Variants in BLTP1 observed in about 807,000 individuals in gnomAD.
BLTP1 encodes the protein fragile site-associated protein.
At chr4:122,321,964 A>G in the BLTP1 span, among the ~76,000 whole-genome samples, 8 of 68,060 alleles carry the variant, frequency 1.2e-4, no homozygotes, top group South Asian at 2.8e-3. Context: ...TTTGATAATG[A>G]TATAACTACA....
chr4:122,283,490 T>C, the BLTP1 span, among the ~76,000 whole-genome samples: 2 of 152,198 alleles, frequency 1.3e-5, no homozygotes, highest in South Asian at 2.1e-4. Context: ...CTGTTTTTGA[T>C]CCTTTGCTCT....
the BLTP1 span, chr4:122,343,747 A>G: frequency 2.2e-6 from 2 of 920,344 alleles, no homozygotes; most frequent in East Asian, 5.3e-5. Flanking sequence ...TACCTATCTC[A>G]TATTTACGTA....
At chr4:122,256,493 G>C in the BLTP1 span, among the ~76,000 whole-genome samples, 1 of 152,182 alleles carries the variant, frequency 6.6e-6, no homozygotes, top group Admixed American at 6.5e-5. Context: ...TGGACTTGGT[G>C]TTCCTCAGAA....
At chr4:122,153,280 G>A in the BLTP1 span, among the ~76,000 whole-genome samples, 1 of 150,588 alleles carries the variant, frequency 6.6e-6, no homozygotes, top group South Asian at 2.1e-4. Context: ...CTAAGCGCCT[G>A]TAAGTTTCAA....
chr4:122,291,935 A>T, the BLTP1 span: 1 of 326,070 alleles, frequency 3.1e-6, no homozygotes, highest in Non-Finnish European at 4.4e-6. Flanking sequence ...CAAAACAAAT[A>T]GGCCTTTAAG....
the BLTP1 span, among the ~76,000 whole-genome samples, chr4:122,176,420 A>G: frequency 6.6e-6 from 1 of 152,232 alleles, no homozygotes; most frequent in Non-Finnish European, 1.5e-5. Flanking sequence ...GTAAGGCATC[A>G]CATTTTACCA....
the BLTP1 span, chr4:122,279,878 A>G: frequency 6.2e-7 from 1 of 1,614,028 alleles, no homozygotes; most frequent in Non-Finnish European, 8.5e-7. Flanking sequence ...AGCTATCAGT[A>G]TCAACATTCC....
chr4:122,162,733 AAC>A, the BLTP1 span: 886 of 806,522 alleles, frequency 1.1e-3, 2 homozygotes, highest in African/African-American at 0.016. Flanking sequence ...TAACAACAAC[AAC>A]AAAAAAAAAA....
At chr4:122,326,693 G>A in the BLTP1 span, among the ~76,000 whole-genome samples, 6 of 151,544 alleles carry the variant, frequency 4.0e-5, no homozygotes, top group Admixed American at 2.0e-4. Flanking sequence ...GCCATGTACT[G>A]CTTGTAAAAA....
At chr4:122,275,415 A>G in the BLTP1 span, among the ~76,000 whole-genome samples, 1 of 152,068 alleles carries the variant, frequency 6.6e-6, no homozygotes, top group Non-Finnish European at 1.5e-5. Context: ...TCGACCTTAT[A>G]ATGCTTCTAC....
At chr4:122,267,184 G>A in the BLTP1 span, among the ~76,000 whole-genome samples, 1 of 148,748 alleles carries the variant, frequency 6.7e-6, no homozygotes, top group African/African-American at 2.5e-5. Flanking sequence ...TCAGCCTGCC[G>A]AGTAGCCGGG....
chr4:122,312,991 A>C, the BLTP1 span: 85 of 493,912 alleles, frequency 1.7e-4, no homozygotes, highest in African/African-American at 1.7e-3. Context: ...TACTATGTAA[A>C]ATTGTTGAAT....
the BLTP1 span, chr4:122,340,913 A>G: frequency 5.0e-6 from 4 of 806,886 alleles, no homozygotes; most frequent in African/African-American, 7.5e-5. Context: ...ATAACACTAC[A>G]ACATTTCTGT....
chr4:122,182,536 G>A, the BLTP1 span: 13 of 512,718 alleles, frequency 2.5e-5, no homozygotes, highest in Non-Finnish European at 2.8e-5. Flanking sequence ...GCTCCCCTCC[G>A]CTCCACATCT....
chr4:122,220,828 A>C, the BLTP1 span, among the ~76,000 whole-genome samples: 1 of 152,220 alleles, frequency 6.6e-6, no homozygotes, highest in East Asian at 1.9e-4. Context: ...AATATTAACC[A>C]GTACCATAAT....
At chr4:122,330,707 T>C in the BLTP1 span, among the ~76,000 whole-genome samples, 3 of 152,062 alleles carry the variant, frequency 2.0e-5, no homozygotes, top group Admixed American at 2.0e-4. Context: ...CAGAAGCTTT[T>C]TTAGTTTGAT....
At chr4:122,272,789 C>T in the BLTP1 span, among the ~76,000 whole-genome samples, 3 of 151,962 alleles carry the variant, frequency 2.0e-5, no homozygotes, top group African/African-American at 7.2e-5. Flanking sequence ...CTAAGTATCT[C>T]TATAAAAAGA....
At chr4:122,253,719 G>A in the BLTP1 span, among the ~76,000 whole-genome samples, 3 of 152,146 alleles carry the variant, frequency 2.0e-5, no homozygotes, top group Non-Finnish European at 4.4e-5. Flanking sequence ...AGAAAGACGG[G>A]TGGAAAGTTT....
chr4:122,347,355 C>T, the BLTP1 span: 12 of 820,632 alleles, frequency 1.5e-5, no homozygotes, highest in East Asian at 1.5e-3. Context: ...AAACAAAACA[C>T]TGGCATGTTC....
Sources: allele counts gnomAD v4.1 joint callset (sites outside exome capture counted in the v4.1 genomes callset), GRCh38; gene constraint gnomAD v4.1.1; transcripts MANE v1.5; gene names NCBI Gene and HGNC (gene_info 2026-07-23, HGNC 2026-07-21).